Variants in CGNL1 observed in about 807,000 individuals in gnomAD.
CGNL1 encodes the protein cingulin-like protein 1.
In CGNL1, 132 loss-of-function variants were observed where a neutral mutation model predicts 141.2. That is an observed-to-expected ratio of 0.93 (90% CI 0.81 to 1.08). The LOEUF is 1.08. Among genes scored for constraint, CGNL1 ranks in the 50% least tolerant of loss-of-function variants. The pLI is 0.00. For synonymous variants in CGNL1, 690 were observed against 622.1 expected, an observed-to-expected ratio of 1.11 and a Z score of -1.63; for missense variants, 1,870 against 1,588.6, an observed-to-expected ratio of 1.18 and a Z score of -3.01.
chr15:57,482,744 T>G (rs2063740692), intron 8 of CGNL1, among the ~76,000 whole-genome samples: 1 of 152,136 alleles, frequency 6.6e-6, no homozygotes, highest in Non-Finnish European at 1.5e-5. Flanking sequence ...TTTTTAAAAT[T>G]GTTTTAGCTA....
intron 4 of CGNL1, among the ~76,000 whole-genome samples, chr15:57,450,434 G>A (rs1448263002): frequency 6.6e-6 from 1 of 152,024 alleles, no homozygotes; most frequent in Non-Finnish European, 1.5e-5. Flanking sequence ...GTGCCACTAC[G>A]CCCGGCTAAT....
At chr15:57,384,264 C>A (rs2062458528) in intron 1 of CGNL1, among the ~76,000 whole-genome samples, 1 of 152,130 alleles carries the variant, frequency 6.6e-6, no homozygotes, top group African/African-American at 2.4e-5. Flanking sequence ...AGTTGCCAGA[C>A]ACTTTCCAGG....
At chr15:57,540,486 C>CA (rs1316135137) in intron 14 of CGNL1, among the ~76,000 whole-genome samples, 13 of 152,324 alleles carry the variant, frequency 8.5e-5, no homozygotes, top group African/African-American at 2.9e-4. Context: ...AGTTACCTCC[C>CA]ACTGGGTCCC....
At chr15:57,466,063 G>T (rs971218914) in intron 8 of CGNL1, among the ~76,000 whole-genome samples, 5 of 152,216 alleles carry the variant, frequency 3.3e-5, no homozygotes, top group African/African-American at 1.2e-4. Flanking sequence ...CACTGGCAGA[G>T]CGGTGGAGGT....
At chr15:57,536,043 T>C (rs779591838) in intron 14 of CGNL1, among the ~76,000 whole-genome samples, 3 of 152,212 alleles carry the variant, frequency 2.0e-5, no homozygotes, top group African/African-American at 7.2e-5. Context: ...AGAGGTTTAA[T>C]GGACTCACAG....
chr15:57,490,098 A>G (rs768855945), intron 8 of CGNL1, among the ~76,000 whole-genome samples: 3 of 152,190 alleles, frequency 2.0e-5, no homozygotes, highest in Non-Finnish European at 4.4e-5. Flanking sequence ...ACACATGGAC[A>G]ACAGTAGTTA....
chr15:57,427,135 G>C (rs2062984838), intron 1 of CGNL1, among the ~76,000 whole-genome samples: 1 of 152,190 alleles, frequency 6.6e-6, no homozygotes, highest in African/African-American at 2.4e-5. Flanking sequence ...TGGGGAGGAA[G>C]GTCTTACTGG....
intron 16 of CGNL1, 98 bp from the exon 17 acceptor site, chr15:57,545,494 G>T: frequency 1.9e-6 from 2 of 1,027,412 alleles, no homozygotes; most frequent in South Asian, 1.4e-5. Flanking sequence ...AGCTGACCAG[G>T]CACCCCTGGC....
intron 1 of CGNL1, among the ~76,000 whole-genome samples, chr15:57,384,042 T>C (rs1223993971): frequency 9.5e-6 from 1 of 105,180 alleles, no homozygotes; most frequent in East Asian, 3.5e-4. Flanking sequence ...TGTGCTGCCT[T>C]GGGCCACCTA....
At chr15:57,442,882 G>C (rs532164969) in intron 4 of CGNL1, among the ~76,000 whole-genome samples, 38 of 152,324 alleles carry the variant, frequency 2.5e-4, no homozygotes, top group African/African-American at 8.7e-4. Flanking sequence ...GCCTCCCAAA[G>C]TGCTAGGATT....
chr15:57,546,239 G>A lies in CGNL1; in HGVS notation c.3773G>A (p.Arg1258Lys), dbSNP rs2032861360. 6.4e-7 allele frequency: 1 copy of A among 1,573,162 alleles called. No homozygotes were observed. Among genetic ancestry groups the A allele is most frequent in the Non-Finnish European group, 8.6e-7 (1 of 1,159,258 alleles). ...CTCAACTCCATGAAGAAGGACTTAA[G>A]GTGGGCAGGTGTGGAGGCCACAGAG... is the stretch of plus-strand genomic sequence containing the variant. ...GQLNSMKKDL[R>K]LKKLPSKVLD... Residue 1258 changes from arginine (R) to lysine (K), a missense_variant and splice_region_variant, in exon 18 of 19, where the codon AGA becomes AAA. By Grantham distance (26) the Arg-to-Lys change is conservative. Transcript: ENST00000281282.
At chr15:57,376,759 C>CCCGCG (rs1163480419) in intron 1 of CGNL1, among the ~76,000 whole-genome samples, 192 bp downstream of exon 1, 6 of 151,856 alleles carry the variant, frequency 4.0e-5, no homozygotes, top group South Asian at 2.1e-4. Flanking sequence ...GACCCGGACT[C>CCCGCG]CCGCGCCGCG....
chr15:57,504,133 G>A lies in CGNL1; in HGVS notation c.2404-12647G>A, dbSNP rs568601090. ...AAAGCAGGGTGATGATGATGATAATGATGATGAGGGTTAGCAGAATCACTC... is the reference window on the plus strand; with the variant it reads ...AAAGCAGGGTGATGATGATGATAATAATGATGAGGGTTAGCAGAATCACTC... On this transcript the variant is annotated intron_variant, in intron 8 of 18. Transcript: ENST00000281282. 2.0e-5 allele frequency among the ~76,000 whole-genome samples: 3 copies of A among 152,284 alleles called. No homozygotes were observed. In the South Asian group the frequency reaches 6.2e-4, roughly 32 times the overall value.
chr15:57,535,726 C>T lies in CGNL1; in HGVS notation c.3291+3947C>T, dbSNP rs114814991. On this transcript the variant is annotated intron_variant, in intron 14 of 18. Transcript: ENST00000281282. ...GAAGGCAGTGGGCAGCCATCGAAGG[C>T]GATTGAGCACAATAGTGAAGCATAC... Among the ~76,000 whole-genome samples the T allele has an allele frequency of 8.8e-3, 1,332 of 152,192 alleles. 18 individuals are homozygous for T. The highest frequency in any genetic ancestry group is 0.027 in the African/African-American group (1,106 of 41,500).
intron 4 of CGNL1, among the ~76,000 whole-genome samples, chr15:57,448,357 A>T (rs757566986): frequency 1.7e-4 from 25 of 150,854 alleles, no homozygotes; most frequent in African/African-American, 3.9e-4. Context: ...GAACTTGATT[A>T]AAAAAAAAGG....
intron 8 of CGNL1, among the ~76,000 whole-genome samples, chr15:57,468,108 T>C (rs1397760150): frequency 6.6e-6 from 1 of 152,176 alleles, no homozygotes; most frequent in East Asian, 1.9e-4. Context: ...AGATCAGCCA[T>C]GCATTGGTGT....
At chr15:57,385,271 C>T (rs538365381) in intron 1 of CGNL1, among the ~76,000 whole-genome samples, 2 of 152,332 alleles carry the variant, frequency 1.3e-5, no homozygotes, top group Non-Finnish European at 2.9e-5. Flanking sequence ...AAGTGGCTCA[C>T]GCCTATAATG....
chr15:57,377,768 T>G (rs2062381394), intron 1 of CGNL1, among the ~76,000 whole-genome samples: 1 of 152,236 alleles, frequency 6.6e-6, no homozygotes, highest in Non-Finnish European at 1.5e-5. Context: ...AAGGTTATAA[T>G]ACAGGGTTGT....
At chr15:57,490,321 G>A (rs940608519) in intron 8 of CGNL1, among the ~76,000 whole-genome samples, 1 of 152,012 alleles carries the variant, frequency 6.6e-6, no homozygotes, top group Non-Finnish European at 1.5e-5. Flanking sequence ...TGATGTTAAC[G>A]TGGGCAGGCT....
Sources: allele counts gnomAD v4.1 joint callset (sites outside exome capture counted in the v4.1 genomes callset), GRCh38; gene constraint gnomAD v4.1.1; transcripts MANE v1.5; gene names NCBI Gene and HGNC (gene_info 2026-07-23, HGNC 2026-07-21).